Variants in COMMD10 observed in about 807,000 individuals in gnomAD.
COMMD10 encodes COMM domain-containing protein 10.
In COMMD10, 33 loss-of-function variants were observed where a neutral mutation model predicts 28.9. That is an observed-to-expected ratio of 1.14 (90% CI 0.87 to 1.53). The LOEUF (loss-of-function observed/expected upper bound fraction) is 1.53. Ranked by LOEUF, COMMD10 falls within the 40% of genes most tolerant of loss-of-function variation. The pLI is 0.00. For missense variants in COMMD10, 310 were observed against 233.4 expected (o/e 1.33, Z -2.14); for synonymous variants, 110 against 81.7 (o/e 1.35, Z -1.87).
chr5:116,173,669 A>T (rs184561580), intron 5 of COMMD10, among the ~76,000 whole-genome samples: 1 of 152,058 alleles, frequency 6.6e-6, no homozygotes, highest in East Asian at 1.9e-4. Flanking sequence ...GGTCTGTTCT[A>T]TGTCTTCAGT....
Position 116,145,784 on chromosome 5 carries a change from G to C in COMMD10, c.510+11606G>C, listed in dbSNP as rs145563506. Among the ~76,000 whole-genome samples, 749 of 151,802 alleles carry C rather than the reference G, an allele frequency of 4.9e-3. 10 individuals carry two copies. The highest frequency in any genetic ancestry group is 0.017 in the African/African-American group (707 of 41,442). On this transcript the variant is annotated intron_variant, in intron 5 of 6. Transcript: ENST00000274458. ...CACGAGATGTGATTGTTTTATAAGG[G>C]GCTCTTACCCCTTTGCTCAGCACTT...
chr5:116,122,643 C>G (rs1324750523), intron 4 of COMMD10, among the ~76,000 whole-genome samples: 6 of 152,152 alleles, frequency 3.9e-5, no homozygotes, highest in African/African-American at 1.2e-4. Flanking sequence ...TGTTTGTGTC[C>G]TCTTTTATTT....
rs894212758 is a variant in COMMD10 at position 116,292,988 on chromosome 5, T to C, written c.*499T>C. 14 of 397,298 alleles carry C rather than the reference T, an allele frequency of 3.5e-5. No homozygotes were observed. Among genetic ancestry groups the C allele is most frequent in the African/African-American group, 2.7e-4 (13 of 48,676 alleles). The allele number at this position is 397,298 out of a possible 1,614,324, so 24.6% of individuals were successfully genotyped here. A position where few individuals can be genotyped will look rare whatever the true frequency, so the allele number is the denominator to read the frequency against. ...AGTATATTTTGCTTCGGAAATAATA[T>C]AGGAAGGAAATGTAAAATAGTGAGT... On this transcript the variant is annotated 3_prime_UTR_variant, in exon 7 of 7. Coordinates refer to ENST00000274458, the MANE Select transcript of COMMD10 (RefSeq NM_016144.4).
intron 3 of COMMD10, 71 bp from the exon 4 acceptor site, chr5:116,092,474 G>A: frequency 1.9e-6 from 2 of 1,052,232 alleles, no homozygotes; most frequent in Non-Finnish European, 1.3e-6. Context: ...AAATAGTTTT[G>A]TATTTAGTAT....
intron 5 of COMMD10, among the ~76,000 whole-genome samples, chr5:116,271,631 C>A (rs1750760634): frequency 6.6e-6 from 1 of 151,690 alleles, no homozygotes; most frequent in South Asian, 2.1e-4. Context: ...ATCTGTGCTG[C>A]TGAAAATAAT....
At chr5:116,230,992 T>A (rs1749515510) in intron 5 of COMMD10, among the ~76,000 whole-genome samples, 1 of 152,160 alleles carries the variant, frequency 6.6e-6, no homozygotes, top group South Asian at 2.1e-4. Flanking sequence ...GTGGGGATAG[T>A]AGCTAGCCTC....
At chr5:116,177,494 A>G (rs1035052149) in intron 5 of COMMD10, among the ~76,000 whole-genome samples, 6 of 150,818 alleles carry the variant, frequency 4.0e-5, no homozygotes, top group African/African-American at 7.4e-5. Context: ...AAGTTCTGAT[A>G]TGATACTTTC....
chr5:116,107,688 G>A (rs1044418344), intron 4 of COMMD10, among the ~76,000 whole-genome samples: 9 of 152,058 alleles, frequency 5.9e-5, no homozygotes, highest in African/African-American at 1.2e-4. Flanking sequence ...CTGTCAGTTC[G>A]TCAAACTCGT....
intron 5 of COMMD10, among the ~76,000 whole-genome samples, chr5:116,290,917 G>C (rs903540569): frequency 6.6e-6 from 1 of 152,132 alleles, no homozygotes; most frequent in African/African-American, 2.4e-5. Context: ...CCTAGCATCT[G>C]TAGCACCCAT....
chr5:116,182,938 C>T (rs940821090), intron 5 of COMMD10, among the ~76,000 whole-genome samples: 2 of 152,102 alleles, frequency 1.3e-5, no homozygotes, highest in African/African-American at 2.4e-5. Context: ...ATTTCCCCTG[C>T]TTGCACTCAC....
At chr5:116,254,657 G>A (rs1057257967) in intron 5 of COMMD10, among the ~76,000 whole-genome samples, 1 of 151,834 alleles carries the variant, frequency 6.6e-6, no homozygotes, top group Non-Finnish European at 1.5e-5. Context: ...ACTGTGGTCT[G>A]AGAGATAGTT....
chr5:116,120,163 T>C (rs1351511231), intron 4 of COMMD10, among the ~76,000 whole-genome samples: 1 of 152,144 alleles, frequency 6.6e-6, no homozygotes, highest in Non-Finnish European at 1.5e-5. Context: ...TATGGAGTAC[T>C]ACTCAGCCAT....
intron 5 of COMMD10, among the ~76,000 whole-genome samples, chr5:116,262,819 T>C (rs1210674963): frequency 6.6e-6 from 1 of 151,830 alleles, no homozygotes; most frequent in Non-Finnish European, 1.5e-5. Context: ...GCAATATTTC[T>C]ATGTCAAATA....
intron 2 of COMMD10, 80 bp from the exon 3 acceptor site, chr5:116,090,999 A>G (rs1561594742): frequency 1.3e-6 from 1 of 781,938 alleles, no homozygotes; most frequent in Admixed American, 2.7e-5. Flanking sequence ...CTCATATACG[A>G]ATAAATGAAT....
intron 5 of COMMD10, among the ~76,000 whole-genome samples, chr5:116,234,594 T>G (rs1442858199): frequency 6.6e-6 from 1 of 152,160 alleles, no homozygotes; most frequent in Non-Finnish European, 1.5e-5. Flanking sequence ...AAAGTAAAAT[T>G]CAGTGTTCAA....
chr5:116,169,812 TA>T (rs1179077737), intron 5 of COMMD10, among the ~76,000 whole-genome samples: 2 of 152,226 alleles, frequency 1.3e-5, no homozygotes, highest in Admixed American at 1.3e-4. Flanking sequence ...AAACACTCAA[TA>T]AACTAGGTAC....
rs1308476683 is a variant in COMMD10, at chr5:116,182,473, A to C, written c.510+48295A>C. ...GTTTGAGCAAAAAAAAAGTCAGTTG[A>C]GGTGATTAAAAATTGATACATTAAA... is the stretch of plus-strand genomic sequence containing the variant. On this transcript the variant is annotated intron_variant, in intron 5 of 6. Transcript: ENST00000274458. Among the ~76,000 whole-genome samples the C allele has an allele frequency of 3.9e-5, 6 of 152,148 alleles. No homozygotes were observed. The East Asian group carries it at 1.2e-3, about 29-fold the overall frequency.
At chr5:116,186,170 T>G (rs1261177901) in intron 5 of COMMD10, among the ~76,000 whole-genome samples, 1 of 152,154 alleles carries the variant, frequency 6.6e-6, no homozygotes, top group African/African-American at 2.4e-5. Context: ...ATTAATCAAC[T>G]TATTGGTTCA....
At chr5:116,289,308 T>C (rs1488460608) in intron 5 of COMMD10, among the ~76,000 whole-genome samples, 2 of 151,896 alleles carry the variant, frequency 1.3e-5, no homozygotes, top group Admixed American at 1.3e-4. Flanking sequence ...AGGCCATATT[T>C]CCCTATTGCT....
Sources: allele counts gnomAD v4.1 joint callset (sites outside exome capture counted in the v4.1 genomes callset), GRCh38; gene constraint gnomAD v4.1.1; transcripts MANE v1.5; gene names NCBI Gene and HGNC (gene_info 2026-07-23, HGNC 2026-07-21).